DCAF1: variants seen among roughly 807,000 people sequenced by gnomAD.
DCAF1 encodes DDB1 and CUL4 associated factor 1, also known as DDB1- and CUL4-associated factor 1.
In DCAF1, 15 loss-of-function variants were observed where a neutral mutation model predicts 128.0. The observed-to-expected ratio is 0.12, with a 90% CI of 0.08 to 0.18. The LOEUF (loss-of-function observed/expected upper bound fraction) is 0.18. Ranked by LOEUF, DCAF1 falls within the 10% of genes least tolerant of loss-of-function variation. DCAF1 has a pLI of 1.00. For missense variants in DCAF1, 988 were observed against 1,649.5 expected, an observed-to-expected ratio of 0.60 and a Z score of 6.95; for synonymous variants, 610 against 603.0, an observed-to-expected ratio of 1.01 and a Z score of -0.17.
chr3:51,403,487 A>C (rs2089887298), intron 23 of DCAF1, 92 bp from the exon 24 acceptor site: 8 of 1,503,236 alleles, frequency 5.3e-6, no homozygotes, highest in Non-Finnish European at 7.1e-6. Context: ...CAGGGTAGGA[A>C]ACTGTCAGTA....
chr3:51,492,259 G>C (rs1380131105), intron 2 of DCAF1, among the ~76,000 whole-genome samples: 5 of 152,044 alleles, frequency 3.3e-5, no homozygotes, highest in African/African-American at 1.2e-4. Flanking sequence ...GAGTGCTGTG[G>C]CTCATGCCTA....
chr3:51,459,010 A>G (rs1218226127), intron 6 of DCAF1, among the ~76,000 whole-genome samples: 4 of 152,312 alleles, frequency 2.6e-5, no homozygotes, highest in African/African-American at 7.2e-5. Flanking sequence ...AAGAGCTAGA[A>G]AAGCAAGAGC....
At chr3:51,476,191 A>G (rs1705426742) in intron 3 of DCAF1, among the ~76,000 whole-genome samples, 1 of 151,502 alleles carries the variant, frequency 6.6e-6, no homozygotes, top group Non-Finnish European at 1.5e-5. Context: ...TCAGGAGGTC[A>G]AGACCAGCCT....
Position 51,420,355 on chromosome 3 carries a change from T to G in DCAF1, c.2615A>C (p.Lys872Thr). The G allele has an allele frequency of 6.2e-7, 1 of 1,613,990 alleles. No individual in the cohort carries two copies. Among genetic ancestry groups the G allele is most frequent in the Admixed American group, 1.7e-5 (1 of 60,022 alleles). Residue 872 changes from lysine to threonine, a missense_variant, in exon 15 of 25, where the codon AAA becomes ACA. Transcript: ENST00000684031. The surrounding 1 kb of genome is among the most constrained non-coding windows in gnomAD (Gnocchi z 6.5). ...GLGETATVLT[K>T]EADLPMTAAS... ...AGCAGTCATGGGCAGGTCAGCCTCT[T>G]TTGTCAGCACGGTTGCTGTTTCTCC...
At chr3:51,501,519 A>C (rs1295739929), upstream of DCAF1, among the ~76,000 whole-genome samples, 2 of 152,172 alleles carry the variant, frequency 1.3e-5, no homozygotes, top group Non-Finnish European at 2.9e-5. Context: ...CTTCACGGCA[A>C]TACTGTCACA....
intron 2 of DCAF1, among the ~76,000 whole-genome samples, chr3:51,487,479 T>C (rs1707107254): frequency 6.6e-6 from 1 of 152,212 alleles, no homozygotes; most frequent in African/African-American, 2.4e-5. Context: ...TTTCAAATCA[T>C]GTGCTTTGTT....
chr3:51,427,234 A>G (rs1699983985), intron 13 of DCAF1, 138 bp downstream of exon 13: 2 of 560,140 alleles, frequency 3.6e-6, no homozygotes, highest in East Asian at 5.9e-5. Flanking sequence ...TTCATGCCTA[A>G]TCTAATTTCT....
intron 6 of DCAF1, among the ~76,000 whole-genome samples, chr3:51,460,274 CAA>C (rs1463158511): frequency 1.3e-5 from 2 of 151,914 alleles, no homozygotes; most frequent in Non-Finnish European, 2.9e-5. Flanking sequence ...CACAGACAAA[CAA>C]GAGAGCCAAA....
chr3:51,495,727 T>C (rs1284471196), intron 2 of DCAF1, among the ~76,000 whole-genome samples: 1 of 152,074 alleles, frequency 6.6e-6, no homozygotes, highest in South Asian at 2.1e-4. Flanking sequence ...ATCCTGCCTC[T>C]ATGAAAAAAA....
intron 9 of DCAF1, chr3:51,438,058 T>C: frequency 2.3e-6 from 1 of 432,176 alleles, no homozygotes; most frequent in Non-Finnish European, 4.5e-6. Flanking sequence ...ATTTTACTTA[T>C]TACATATTCA....
chr3:51,494,209 G>T (rs1377288780), intron 2 of DCAF1, among the ~76,000 whole-genome samples: 3 of 150,486 alleles, frequency 2.0e-5, no homozygotes, highest in Non-Finnish European at 4.4e-5. Context: ...CCGCCTCCCG[G>T]GTTCATGCCA....
At chr3:51,491,119 G>A (rs1553657804) in intron 2 of DCAF1, among the ~76,000 whole-genome samples, 1 of 151,124 alleles carries the variant, frequency 6.6e-6, no homozygotes, top group Non-Finnish European at 1.5e-5. Flanking sequence ...GGAGGTCGAG[G>A]CAGGTGGATC....
In DCAF1 at chr3:51,418,209, A is replaced by T; in HGVS notation, c.3436-11T>A. The T allele has an allele frequency of 6.2e-7, 1 of 1,604,740 alleles. No homozygotes were observed. The highest frequency in any genetic ancestry group is 8.5e-7 in the Non-Finnish European group (1 of 1,175,618). ...CAGCAAGGACCCATCCTAAAAGAAA[A>T]AGGCGCAAGGTGGGTAACCACGTAT... On this transcript the variant is annotated splice_polypyrimidine_tract_variant and intron_variant, in intron 16 of 24. Coordinates refer to ENST00000684031, the MANE Select transcript of DCAF1 (RefSeq NM_001387579.1).
intron 23 of DCAF1, 106 bp from the exon 24 acceptor site, chr3:51,403,501 G>A: frequency 1.4e-6 from 2 of 1,480,652 alleles, no homozygotes; most frequent in Admixed American, 2.2e-5. Flanking sequence ...GTCAGTAGAG[G>A]GTAGTAGTGA....
chr3:51,485,953 G>A (rs190823101), intron 2 of DCAF1, among the ~76,000 whole-genome samples: 85 of 149,402 alleles, frequency 5.7e-4, no homozygotes, highest in African/African-American at 2.0e-3. Context: ...GCGCAGTGGC[G>A]CCATCTCGGC....
intron 23 of DCAF1, among the ~76,000 whole-genome samples, chr3:51,409,714 T>G (rs947950414): frequency 6.6e-6 from 1 of 152,174 alleles, no homozygotes; most frequent in Non-Finnish European, 1.5e-5. Flanking sequence ...AAGAATAAAC[T>G]ACATCTTGTT....
At chr3:51,455,473 A>C (rs1702795964) in intron 6 of DCAF1, among the ~76,000 whole-genome samples, 1 of 152,024 alleles carries the variant, frequency 6.6e-6, no homozygotes, top group Non-Finnish European at 1.5e-5. Flanking sequence ...GGGCATGGTG[A>C]CACATGCCTA....
intron 23 of DCAF1, 87 bp downstream of exon 23, chr3:51,412,292 A>G: frequency 6.4e-7 from 1 of 1,570,546 alleles, no homozygotes; most frequent in Non-Finnish European, 8.6e-7. Context: ...AAGGTTGAGT[A>G]GACCTTTAAA....
At chr3:51,489,740 T>C (rs372234059) in intron 2 of DCAF1, among the ~76,000 whole-genome samples, 1 of 151,232 alleles carries the variant, frequency 6.6e-6, no homozygotes, top group Non-Finnish European at 1.5e-5. Context: ...TGAGCCAAGA[T>C]TGCACCAGTG....
Sources: gnomAD v4.1 joint callset for allele counts (sites outside exome capture counted in the v4.1 genomes callset) on GRCh38, gnomAD v4.1.1 for gene constraint, Gnocchi (gnomAD v3.1) non-coding constraint, MANE v1.5 for transcripts, NCBI Gene and HGNC (gene_info 2026-07-23, HGNC 2026-07-21) for gene names.